HGF: variants seen among roughly 807,000 people sequenced by gnomAD.
HGF encodes the protein hepatocyte growth factor.
Under a neutral mutation model 111.6 loss-of-function variants are expected in HGF, and 39 were observed. The observed-to-expected ratio is 0.35, with a 90% CI of 0.27 to 0.46. HGF has a LOEUF of 0.46. Among genes scored for constraint, HGF ranks in the 20% least tolerant of loss-of-function variants. The probability of loss-of-function intolerance (pLI) is 1.00; values close to 1 mark genes in which losing one functional copy is unlikely to be tolerated. For synonymous variants in HGF, 285 were observed against 294.8 expected (o/e 0.97, Z 0.34); for missense variants, 735 against 910.5 (o/e 0.81, Z 2.48).
rs766769838 is a variant in HGF, at chr7:81,706,329, T to C, written c.1715A>G (p.Tyr572Cys). The change falls in exon 15 of 18, where the codon TAT (tyrosine) becomes TGT (cysteine). Residue 572 changes from tyrosine (Y) to cysteine (C), a missense_variant. This residue lies in a region of HGF where 130 missense variants were observed against 129.9 expected (regional missense o/e 1.00). Transcript: ENST00000222390. Reference sequence around the variant, plus strand: ...AACCAGATCTGATCCTTCAGGGCCATATACCAGCTGGGAAACATTGAGAAC... The same window carrying C: ...AACCAGATCTGATCCTTCAGGGCCACATACCAGCTGGGAAACATTGAGAAC... Reference protein sequence around the residue: ...KQVLNVSQLVYGPEGSDLVLM... With the variant: ...KQVLNVSQLVCGPEGSDLVLM... The C allele has an allele frequency of 1.2e-6, 2 of 1,612,806 alleles. No homozygotes were observed. The highest frequency in any genetic ancestry group is 1.1e-5 in the South Asian group (1 of 91,054).
intron 13 of HGF, among the ~76,000 whole-genome samples, chr7:81,709,125 T>C (rs1789505795): frequency 6.6e-6 from 1 of 152,158 alleles, no homozygotes; most frequent in South Asian, 2.1e-4. Flanking sequence ...CAGACATTCT[T>C]TTTCTCTACT....
At chr7:81,708,068 C>T (rs576305714) in intron 13 of HGF, among the ~76,000 whole-genome samples, 3 of 151,912 alleles carry the variant, frequency 2.0e-5, no homozygotes, top group Non-Finnish European at 4.4e-5. Flanking sequence ...TTGGCAGAGA[C>T]ATGGAAAAAG....
At chr7:81,743,936 T>G (rs961288106) in intron 6 of HGF, among the ~76,000 whole-genome samples, 10 of 152,170 alleles carry the variant, frequency 6.6e-5, no homozygotes, top group Non-Finnish European at 2.9e-5. Flanking sequence ...CACCAGATCA[T>G]GAGACAAACT....
intron 4 of HGF, chr7:81,756,952 C>T (rs5745638): frequency 1.2e-5 from 7 of 570,298 alleles, no homozygotes; most frequent in Admixed American, 6.2e-5. Context: ...TCACAAATAC[C>T]GAGATCTACA....
chr7:81,713,719 C>T (rs1470516747), intron 11 of HGF, among the ~76,000 whole-genome samples: 5 of 151,982 alleles, frequency 3.3e-5, no homozygotes, highest in Non-Finnish European at 7.4e-5. Flanking sequence ...TAACAAGCAT[C>T]CTAGGTTCTT....
chr7:81,768,906 A>G (rs1789496509), intron 1 of HGF, among the ~76,000 whole-genome samples: 1 of 152,162 alleles, frequency 6.6e-6, no homozygotes. Context: ...CCCTTGTACC[A>G]TATCAAAAAC....
At chr7:81,702,903 T>C (rs967878821) in intron 17 of HGF, 146 bp from the exon 18 acceptor site, 1 of 707,866 alleles carries the variant, frequency 1.4e-6, no homozygotes, top group South Asian at 1.8e-5. Flanking sequence ...AAAATTAGTG[T>C]ACTAGACATT....
At chr7:81,731,697 T>A (rs910087933) in intron 7 of HGF, among the ~76,000 whole-genome samples, 2 of 152,126 alleles carry the variant, frequency 1.3e-5, no homozygotes, top group Non-Finnish European at 2.9e-5. Context: ...GGAAACTGAA[T>A]GTATGGGGAA....
intron 11 of HGF, among the ~76,000 whole-genome samples, chr7:81,712,716 G>A (rs1177373459): frequency 6.6e-6 from 1 of 152,162 alleles, no homozygotes; most frequent in East Asian, 1.9e-4. Flanking sequence ...AGACCCAGAT[G>A]GTTGTCAATC....
chr7:81,743,587 C>A (rs188415689), intron 6 of HGF, 116 bp from the exon 7 acceptor site: 1 of 781,966 alleles, frequency 1.3e-6, no homozygotes, highest in East Asian at 2.4e-5. Flanking sequence ...GGAAAGAGGA[C>A]GTTTTCTATG....
chr7:81,709,520 C>G (rs1248666888), intron 13 of HGF, among the ~76,000 whole-genome samples: 1 of 152,038 alleles, frequency 6.6e-6, no homozygotes, highest in Admixed American at 6.6e-5. Flanking sequence ...ATAATTTTCT[C>G]TAACAATATG....
intron 14 of HGF, among the ~76,000 whole-genome samples, chr7:81,706,775 T>C (rs1166874766): frequency 6.6e-6 from 1 of 151,952 alleles, no homozygotes; most frequent in African/African-American, 2.4e-5. Context: ...ATATATTTGG[T>C]TTGGTAACAG....
intron 13 of HGF, among the ~76,000 whole-genome samples, chr7:81,708,070 T>A (rs1346818818): frequency 6.6e-6 from 1 of 152,082 alleles, no homozygotes; most frequent in Non-Finnish European, 1.5e-5. Context: ...GGCAGAGACA[T>A]GGAAAAAGCA....
At chr7:81,720,012 T>C (rs553960646) in intron 10 of HGF, among the ~76,000 whole-genome samples, 2 of 152,324 alleles carry the variant, frequency 1.3e-5, no homozygotes, top group South Asian at 4.1e-4. Flanking sequence ...TACTCTGGGA[T>C]GTTTATGAAA....
intron 10 of HGF, among the ~76,000 whole-genome samples, chr7:81,718,721 G>A (rs1789778258): frequency 6.6e-6 from 1 of 152,138 alleles, no homozygotes; most frequent in South Asian, 2.1e-4. Flanking sequence ...GGATGAAGAT[G>A]AGGAATCCTC....
intron 7 of HGF, among the ~76,000 whole-genome samples, chr7:81,732,849 T>A (rs1233545883): frequency 6.6e-6 from 1 of 152,150 alleles, no homozygotes; most frequent in Non-Finnish European, 1.5e-5. Context: ...AAGATCTATA[T>A]TACCAAAACC....
At chr7:81,759,721 G>T (rs576471987) in intron 2 of HGF, among the ~76,000 whole-genome samples, 1 of 151,964 alleles carries the variant, frequency 6.6e-6, no homozygotes, top group South Asian at 2.1e-4. Context: ...AGCCAGTATG[G>T]TCTTGATCTC....
chr7:81,710,816 T>C (rs992106026), intron 12 of HGF, among the ~76,000 whole-genome samples: 5 of 152,208 alleles, frequency 3.3e-5, no homozygotes, highest in African/African-American at 4.8e-5. Flanking sequence ...AATGTTTTCC[T>C]GACCCTCCTC....
chr7:81,725,577 C>T (rs1789984314), intron 9 of HGF, among the ~76,000 whole-genome samples: 4 of 152,166 alleles, frequency 2.6e-5, no homozygotes, highest in Non-Finnish European at 2.9e-5. Flanking sequence ...CTGTAATATT[C>T]CCATTCTCAT....
Sources: allele counts gnomAD v4.1 joint callset (sites outside exome capture counted in the v4.1 genomes callset), GRCh38; gene constraint gnomAD v4.1.1; regional missense constraint gnomAD v4.1.1; transcripts MANE v1.5; gene names NCBI Gene and HGNC (gene_info 2026-07-23, HGNC 2026-07-21).